Variants in RELL1 observed in about 807,000 individuals in gnomAD.
RELL1 encodes the protein RELT like 1, also known as RELT-like protein 1.
Under a neutral mutation model 23.0 loss-of-function variants are expected in RELL1, and 10 were observed. That is an observed-to-expected ratio of 0.43 (90% CI 0.27 to 0.74). The LOEUF is 0.74. Ranked by LOEUF, RELL1 falls within the 30% of genes least tolerant of loss-of-function variation. The pLI is 0.19. For synonymous variants in RELL1, 146 were observed against 146.8 expected, an observed-to-expected ratio of 0.99 and a Z score of 0.04; for missense variants, 315 against 364.4, an observed-to-expected ratio of 0.86 and a Z score of 1.10.
chr4:37,679,380 A>C (rs1002671997), intron 1 of RELL1, among the ~76,000 whole-genome samples: 52 of 152,158 alleles, frequency 3.4e-4, no homozygotes, highest in African/African-American at 1.2e-3. Context: ...AGTGTCACTC[A>C]TTTGAGGACT....
chr4:37,626,761 C>T (rs1320142236), intron 6 of RELL1, among the ~76,000 whole-genome samples: 3 of 151,708 alleles, frequency 2.0e-5, no homozygotes, highest in African/African-American at 7.3e-5. Flanking sequence ...GAGCACATTA[C>T]ATTGAGTGAA....
At chr4:37,677,706 C>T (rs961889302) in intron 1 of RELL1, among the ~76,000 whole-genome samples, 1 of 152,176 alleles carries the variant, frequency 6.6e-6, no homozygotes, top group African/African-American at 2.4e-5. Flanking sequence ...CACGGTGGCT[C>T]ACGCCTGTAA....
chr4:37,590,320 G>A (rs766161298), downstream of RELL1: 241 of 1,613,748 alleles, frequency 1.5e-4, 1 homozygote, highest in Admixed American at 3.6e-3. Flanking sequence ...ACAGGGGGAC[G>A]CTGGAGGGGA....
intron 6 of RELL1, among the ~76,000 whole-genome samples, chr4:37,604,840 GAC>G (rs1553871536): frequency 4.8e-4 from 18 of 37,806 alleles, no homozygotes; most frequent in Non-Finnish European, 4.9e-4. Flanking sequence ...CATACACACA[GAC>G]ACACACACAG....
intron 6 of RELL1, among the ~76,000 whole-genome samples, chr4:37,604,882 C>CACACACACAT (rs1719137759): frequency 2.3e-5 from 2 of 88,576 alleles, no homozygotes; most frequent in Non-Finnish European, 4.5e-5. Flanking sequence ...CACACACATA[C>CACACACACAT]ACACAGACAC....
intron 1 of RELL1, among the ~76,000 whole-genome samples, chr4:37,664,793 A>G (rs1721473537): frequency 6.6e-6 from 1 of 152,076 alleles, no homozygotes; most frequent in South Asian, 2.1e-4. Context: ...GGCCTACATG[A>G]TATCACTGGG....
In RELL1 at chr4:37,631,503, TC is replaced by T. The variant is rs1475213607; in HGVS notation, c.700del (p.Glu234SerfsTer12). ...SVGRFRVTKV[E>X]HKSNQKERRS... ...CCGTTCCTTCTGGTTTGACTTGTGC[TC>T]CACTTTTGTAACTCTAAATCTGAGG... is the stretch of plus-strand genomic sequence containing the variant. On this transcript the variant is annotated frameshift_variant, in exon 6 of 7. Transcript: ENST00000454158. LOFTEE classifies it high-confidence loss of function. 3.1e-6 allele frequency: 5 copies of T among 1,613,884 alleles called. No homozygotes were observed. The highest frequency in any genetic ancestry group is 4.2e-6 in the Non-Finnish European group (5 of 1,179,976).
rs762389007 is a variant in RELL1, at chr4:37,635,022, G to C, written c.545C>G (p.Thr182Arg). Residue 182 changes from threonine to arginine, a missense_variant, in exon 5 of 7, where the codon ACG (threonine) becomes AGG (arginine). Physicochemically the swap from Thr to Arg is moderately conservative, Grantham distance 71 (BLOSUM62 -1). Transcript: ENST00000454158. ...GKHVCGHHLH[T>R]VGGVVERDVC... ...ATCCCTCTCGACAACACCGCCCACCGTATGCAGATGATGGCCACAGACGTG... is the reference window on the plus strand; with the variant it reads ...ATCCCTCTCGACAACACCGCCCACCCTATGCAGATGATGGCCACAGACGTG... The C allele has an allele frequency of 6.2e-7, 1 of 1,614,210 alleles. No individual in the cohort carries two copies. Among genetic ancestry groups the C allele is most frequent in the South Asian group, 1.1e-5 (1 of 91,088 alleles).
At chr4:37,603,276 C>T (rs1719065036) in intron 6 of RELL1, among the ~76,000 whole-genome samples, 1 of 152,130 alleles carries the variant, frequency 6.6e-6, no homozygotes, top group Admixed American at 6.5e-5. Flanking sequence ...CCCCTGGCCA[C>T]GCCACAAAAT....
At chr4:37,683,943 T>C (rs1311348885) in intron 1 of RELL1, among the ~76,000 whole-genome samples, 1 of 151,696 alleles carries the variant, frequency 6.6e-6, no homozygotes, top group African/African-American at 2.4e-5. Flanking sequence ...TAGCCAGGCA[T>C]GGTGGCGGGC....
At chr4:37,653,698 C>T (rs954919186) in intron 1 of RELL1, among the ~76,000 whole-genome samples, 1 of 152,182 alleles carries the variant, frequency 6.6e-6, no homozygotes, top group Non-Finnish European at 1.5e-5. Flanking sequence ...CTCTCCCTGA[C>T]CCACAGAATG....
At chr4:37,651,394 G>A (rs576598407) in intron 1 of RELL1, among the ~76,000 whole-genome samples, 2 of 152,340 alleles carry the variant, frequency 1.3e-5, no homozygotes, top group African/African-American at 2.4e-5. Flanking sequence ...CAAAGCTTCA[G>A]TATTTGGAAT....
intron 1 of RELL1, among the ~76,000 whole-genome samples, chr4:37,655,675 CT>C (rs1289544697): frequency 6.6e-6 from 1 of 152,208 alleles, no homozygotes; most frequent in East Asian, 1.9e-4. Context: ...AACGAATTCA[CT>C]TGGCATCTTG....
chr4:37,604,420 G>A (rs1719097955), intron 6 of RELL1, among the ~76,000 whole-genome samples: 3 of 152,100 alleles, frequency 2.0e-5, no homozygotes. Context: ...TGGTTCTCAT[G>A]TTGTGACTTG....
intron 6 of RELL1, among the ~76,000 whole-genome samples, chr4:37,624,626 T>G (rs1366057338): frequency 1.3e-5 from 2 of 151,956 alleles, no homozygotes; most frequent in Non-Finnish European, 1.5e-5. Context: ...AGACGGGGTT[T>G]CACTGTGTTA....
At chr4:37,626,206 A>T (rs1488034173) in intron 6 of RELL1, among the ~76,000 whole-genome samples, 2 of 152,180 alleles carry the variant, frequency 1.3e-5, no homozygotes, top group African/African-American at 4.8e-5. Context: ...GACCGGGCAC[A>T]GTGGCTTGCA....
chr4:37,621,455 C>CA (rs1030787464), intron 6 of RELL1, among the ~76,000 whole-genome samples: 1 of 150,518 alleles, frequency 6.6e-6, no homozygotes, highest in Non-Finnish European at 1.5e-5. Context: ...GACTCCATCT[C>CA]AAAAAATAAT....
intron 6 of RELL1, among the ~76,000 whole-genome samples, chr4:37,594,739 C>T (rs978118424): frequency 1.3e-4 from 20 of 152,162 alleles, no homozygotes; most frequent in Admixed American, 9.2e-4. Flanking sequence ...GCTGGCCATT[C>T]GTCATTTTCC....
At chr4:37,599,350 T>A (rs1718959600) in intron 6 of RELL1, among the ~76,000 whole-genome samples, 1 of 152,136 alleles carries the variant, frequency 6.6e-6, no homozygotes, top group South Asian at 2.1e-4. Context: ...CTAGGCATTT[T>A]AAAGGGTTTG....
Sources: gnomAD v4.1 joint callset for allele counts (sites outside exome capture counted in the v4.1 genomes callset) on GRCh38, gnomAD v4.1.1 for gene constraint, MANE v1.5 for transcripts, NCBI Gene and HGNC (gene_info 2026-07-23, HGNC 2026-07-21) for gene names.